ANO3: variants seen among roughly 807,000 people sequenced by gnomAD.
ANO3 encodes anoctamin 3, also known as anoctamin-3.
ANO3 carries 99 observed loss-of-function variants against 144.8 expected under a neutral mutation model. The observed-to-expected ratio is 0.68, with a 90% CI of 0.58 to 0.81. The LOEUF is 0.81. ANO3 is among the 30% of genes least tolerant of loss of function. The pLI is 0.00. For missense variants in ANO3, 905 were observed against 1,202.2 expected (o/e 0.75, Z 3.66); for synonymous variants, 414 against 392.6 (o/e 1.05, Z -0.64).
At chr11:26,581,307 C>A (rs1055826261) in intron 14 of ANO3, among the ~76,000 whole-genome samples, 5 of 140,994 alleles carry the variant, frequency 3.5e-5, no homozygotes, top group African/African-American at 1.3e-4. Context: ...GTGCAATTCC[C>A]TTTTTTTTTT....
chr11:26,649,249 A>G (rs1853446859), intron 24 of ANO3, among the ~76,000 whole-genome samples: 1 of 152,212 alleles, frequency 6.6e-6, no homozygotes, highest in Admixed American at 6.5e-5. Context: ...GATGTATTCT[A>G]TTCATGTACA....
intron 4 of ANO3, among the ~76,000 whole-genome samples, chr11:26,506,982 A>G (rs1861459272): frequency 6.6e-6 from 1 of 152,242 alleles, no homozygotes; most frequent in Admixed American, 6.5e-5. Flanking sequence ...TTGAATCTCA[A>G]GAATGCCTGT....
intron 1 of ANO3, among the ~76,000 whole-genome samples, chr11:26,398,049 C>T (rs1196582948): frequency 2.6e-5 from 4 of 151,868 alleles, no homozygotes; most frequent in African/African-American, 9.7e-5. Flanking sequence ...TGCTATATAG[C>T]AGGACTGTAT....
chr11:26,447,363 C>CT (rs1485645997), intron 3 of ANO3, among the ~76,000 whole-genome samples: 1 of 152,012 alleles, frequency 6.6e-6, no homozygotes, highest in Admixed American at 6.6e-5. Context: ...TTAGGTAGCA[C>CT]TTTTTTACAG....
chr11:26,489,087 C>A (rs1180174412), intron 4 of ANO3, among the ~76,000 whole-genome samples: 1 of 152,184 alleles, frequency 6.6e-6, no homozygotes, highest in African/African-American at 2.4e-5. Flanking sequence ...CTGGCTTCAC[C>A]TCTCACCATC....
intron 14 of ANO3, among the ~76,000 whole-genome samples, chr11:26,577,720 G>T (rs578047487): frequency 1.3e-5 from 2 of 152,154 alleles, no homozygotes; most frequent in Non-Finnish European, 2.9e-5. Context: ...AGTACAAATC[G>T]ATAGTAGATG....
At chr11:26,487,536 G>A (rs946521398) in intron 4 of ANO3, among the ~76,000 whole-genome samples, 1 of 152,160 alleles carries the variant, frequency 6.6e-6, no homozygotes. Context: ...GGTAATAGGT[G>A]GAGGTCAGAA....
chr11:26,341,300 A>G (rs1270146661), intron 1 of ANO3, among the ~76,000 whole-genome samples: 3 of 152,182 alleles, frequency 2.0e-5, no homozygotes. Flanking sequence ...GTTTCCTTAT[A>G]AATTCACTGT....
intron 1 of ANO3, among the ~76,000 whole-genome samples, chr11:26,411,359 A>G (rs1196542465): frequency 6.6e-6 from 1 of 152,042 alleles, no homozygotes; most frequent in East Asian, 1.9e-4. Flanking sequence ...TTAAATATCA[A>G]ACATTTTGCC....
At chr11:26,365,962 A>G (rs1186997107) in intron 1 of ANO3, among the ~76,000 whole-genome samples, 2 of 670 alleles carry the variant, frequency 3.0e-3, no homozygotes, top group Admixed American at 0.025. Context: ...CTTTATATAT[A>G]TATATATATA....
At chr11:26,601,061 A>G (rs891220960) in intron 17 of ANO3, among the ~76,000 whole-genome samples, 1 of 152,152 alleles carries the variant, frequency 6.6e-6, no homozygotes, top group East Asian at 1.9e-4. Flanking sequence ...AATTCTTCCA[A>G]CAGCTCCACA....
upstream of ANO3, chr11:26,332,085 C>T (rs553078207): frequency 1.4e-6 from 2 of 1,450,108 alleles, no homozygotes; most frequent in East Asian, 2.5e-5. Context: ...CGCTAGACCG[C>T]CCTCCCGCGT....
intron 11 of ANO3, among the ~76,000 whole-genome samples, chr11:26,546,244 T>C (rs1031484196): frequency 6.6e-6 from 1 of 151,906 alleles, no homozygotes; most frequent in Middle Eastern, 3.4e-3. Context: ...GTATGAGAAA[T>C]GAATGTTCTA....
intron 1 of ANO3, among the ~76,000 whole-genome samples, chr11:26,322,142 C>T (rs555033703): frequency 6.6e-6 from 1 of 152,124 alleles, no homozygotes; most frequent in Admixed American, 6.5e-5. Context: ...AGCTGCAAAA[C>T]CATGGTATTT....
chr11:26,535,055 C>G (rs568765981), intron 9 of ANO3, among the ~76,000 whole-genome samples: 1 of 152,136 alleles, frequency 6.6e-6, no homozygotes, highest in East Asian at 1.9e-4. Flanking sequence ...TGACATAAGC[C>G]CTATACTCAG....
intron 4 of ANO3, among the ~76,000 whole-genome samples, chr11:26,484,826 A>T (rs1292458141): frequency 6.6e-6 from 1 of 152,194 alleles, no homozygotes. Context: ...CACTGATGAA[A>T]GCCAAGCCCT....
intron 4 of ANO3, chr11:26,473,890 A>G (rs779984667): frequency 2.1e-6 from 2 of 969,640 alleles, no homozygotes; most frequent in Non-Finnish European, 2.5e-6. Flanking sequence ...GAGATGAGTT[A>G]TCTTTAAAAA....
chr11:26,565,473 TCATCTGCTATAGGTG>T, intron 14 of ANO3: 1 of 1,613,434 alleles, frequency 6.2e-7, no homozygotes, highest in South Asian at 1.1e-5. Context: ...CAAAAGATCT[TCATCTGCTATAGGTG>T]CATTCCAAGG....
intron 1 of ANO3, among the ~76,000 whole-genome samples, chr11:26,205,351 G>A (rs1564915941): frequency 1.3e-5 from 2 of 152,090 alleles, no homozygotes; most frequent in Admixed American, 6.6e-5. Context: ...TAAGAGTTAG[G>A]TATCATTATT....
Sources: gnomAD v4.1 joint callset for allele counts (sites outside exome capture counted in the v4.1 genomes callset) on GRCh38, gnomAD v4.1.1 for gene constraint, MANE v1.5 for transcripts, NCBI Gene and HGNC (gene_info 2026-07-23, HGNC 2026-07-21) for gene names.